MCF2: variants seen among roughly 807,000 people sequenced by gnomAD.
The protein encoded by MCF2 is MCF.2 cell line derived transforming sequence.
Under a neutral mutation model 82.5 loss-of-function variants are expected in MCF2, and 44 were observed. The observed-to-expected ratio is 0.53, with a 90% CI of 0.42 to 0.69. The LOEUF is 0.69. MCF2 is among the 30% of genes least tolerant of loss of function. The probability of loss-of-function intolerance (pLI) is 0.00; values close to 1 mark genes in which losing one functional copy is unlikely to be tolerated. For synonymous variants in MCF2, 217 were observed against 224.9 expected (o/e 0.96, Z 0.32); for missense variants, 623 against 663.1 (o/e 0.94, Z 0.66).
intron 1 of MCF2, among the ~76,000 whole-genome samples, chrX:139,669,644 C>A (rs1451778489): frequency 4.5e-5 from 5 of 111,771 alleles, no homozygotes; most frequent in African/African-American, 1.6e-4. Context: ...GGAAATAACT[C>A]AAATATCCAT....
Position 139,616,320 on chromosome X carries a change from G to A in MCF2, c.1153C>T (p.Gln385Ter). 8.7e-7 allele frequency: 1 copy of A among 1,153,925 alleles called. No individual in the cohort carries two copies. The highest frequency in any genetic ancestry group is 1.2e-6 in the Non-Finnish European group (1 of 860,583). ...GATAATATTACATCAAATTCATACT[G>A]CAGTGTTTCAGGTTCATAATTTATA... The change falls in exon 9 of 25, where the codon CAG becomes TAG. Residue 385 changes from glutamine (Q) to a stop codon, truncating the protein, a stop_gained. Coordinates refer to ENST00000370576, the Ensembl canonical transcript of MCF2. LOFTEE classifies it high-confidence loss of function.
intron 1 of MCF2, among the ~76,000 whole-genome samples, chrX:139,692,937 C>T (rs1169045507): frequency 1.8e-5 from 2 of 112,538 alleles, no homozygotes; most frequent in African/African-American, 3.2e-5. Context: ...CCTGTATAGA[C>T]ACTTGAGCTG....
At chrX:139,682,330 C>T (rs1935019305) in intron 1 of MCF2, among the ~76,000 whole-genome samples, 1 of 111,917 alleles carries the variant, frequency 8.9e-6, no homozygotes, top group African/African-American at 3.3e-5. Flanking sequence ...GTAGAGATGG[C>T]AGGTTTTCCC....
At chrX:139,616,513 T>A in intron 8 of MCF2, 40 bp from the exon 12 acceptor site, 1 of 826,700 alleles carries the variant, frequency 1.2e-6, no homozygotes, top group Non-Finnish European at 1.7e-6. Context: ...AAATATGAAT[T>A]AATAAAGAGA....
intron 10 of MCF2, 69 bp from the exon 15 acceptor site, chrX:139,610,407 A>G (rs950751535): frequency 5.4e-5 from 32 of 597,742 alleles, no homozygotes; most frequent in African/African-American, 3.3e-4. Flanking sequence ...AGAAATACAT[A>G]TATATTTATT....
intron 1 of MCF2, among the ~76,000 whole-genome samples, chrX:139,691,351 A>T: frequency 9.0e-6 from 1 of 111,164 alleles, no homozygotes; most frequent in Non-Finnish European, 1.9e-5. Flanking sequence ...CACATGCGTT[A>T]TGGGAAAAAC....
rs188236597 is a variant in MCF2, at chrX:139,705,841, C to T, written c.-45+2265G>A. Among the ~76,000 whole-genome samples the T allele has an allele frequency of 4.5e-5, 5 of 112,154 alleles. No individual in the cohort carries two copies. The East Asian group carries it at 1.4e-3, about 31-fold the overall frequency. On this transcript the variant is annotated intron_variant, in intron 1 of 27. Coordinates refer to the MCF2 transcript ENST00000414978. ...CTGACAAAGGTCTAATACTCAGAAT[C>T]TATAGGGAACTTGAAAAAATTAACA... is the stretch of plus-strand genomic sequence containing the variant.
intron 1 of MCF2, among the ~76,000 whole-genome samples, chrX:139,653,590 G>A (rs781456528): frequency 5.4e-5 from 6 of 111,133 alleles, no homozygotes; most frequent in Non-Finnish European, 1.1e-4. Flanking sequence ...TGTGGGCTGG[G>A]AGTGGGAGCA....
rs756498859 is a variant in MCF2 at position 139,605,705 on chromosome X, T to A, written c.1557+8A>T. On this transcript the variant is annotated splice_region_variant and intron_variant, in intron 13 of 24. Coordinates refer to ENST00000370576, the Ensembl canonical transcript of MCF2. ...AAAGATAGGGCAAATACAATTTGAG[T>A]CGCTTACCAACAAAACAGTATACAG... The A allele has an allele frequency of 5.9e-6, 7 of 1,191,351 alleles. No individual in the cohort carries two copies. The highest frequency in any genetic ancestry group is 7.9e-6 in the Non-Finnish European group (7 of 883,253).
intron 1 of MCF2, among the ~76,000 whole-genome samples, chrX:139,640,322 G>C (rs1411683228): frequency 9.0e-6 from 1 of 111,020 alleles, no homozygotes; most frequent in African/African-American, 3.3e-5. Flanking sequence ...GAATATGTTG[G>C]GAAAAAAATC....
intron 1 of MCF2, among the ~76,000 whole-genome samples, chrX:139,670,487 G>A (rs903452431): frequency 1.4e-4 from 15 of 108,880 alleles, no homozygotes; most frequent in South Asian, 4.2e-4. Flanking sequence ...CACAGGCCCC[G>A]GGGTGTGATG....
chrX:139,706,860 A>G (rs1436872658), intron 1 of MCF2, among the ~76,000 whole-genome samples: 1 of 110,430 alleles, frequency 9.1e-6, no homozygotes, highest in East Asian at 2.8e-4. Context: ...AAACAAAAAT[A>G]AAGGTTGTCT....
chrX:139,684,426 C>T (rs191702262), intron 1 of MCF2, among the ~76,000 whole-genome samples: 1,146 of 111,798 alleles, frequency 0.01, 49 homozygotes, highest in Admixed American at 0.1. Context: ...GGGATTTCCT[C>T]AAGGATGAAA....
In MCF2 at chrX:139,707,246, T is replaced by C. The variant is rs1320866979; in HGVS notation, c.-45+860A>G. 2.7e-5 allele frequency among the ~76,000 whole-genome samples: 3 copies of C among 110,603 alleles called. No individual in the cohort carries two copies. The East Asian group carries it at 8.6e-4, about 32-fold the overall frequency. On this transcript the variant is annotated intron_variant, in intron 1 of 27. Transcript: ENST00000414978. ...ATCAGAGAAAAAAAGGGTTGGAGTTTCCAATCCTTTCATTCTGAGAAGACC... is the reference window on the plus strand; with the variant it reads ...ATCAGAGAAAAAAAGGGTTGGAGTTCCCAATCCTTTCATTCTGAGAAGACC...
At chrX:139,585,424 A>G (rs955948373) in intron 23 of MCF2, among the ~76,000 whole-genome samples, 1 of 111,812 alleles carries the variant, frequency 8.9e-6, no homozygotes, top group Middle Eastern at 4.2e-3. Context: ...CATTAGTACT[A>G]TGCTCTCTCC....
chrX:139,616,150 A>C, intron 9 of MCF2, 132 bp downstream of exon 12: 1 of 324,189 alleles, frequency 3.1e-6, no homozygotes, highest in East Asian at 4.6e-5. Flanking sequence ...TGGCACTACT[A>C]TCACCCCTAA....
At position 139,607,687 on chromosome X, in the gene MCF2, A is replaced by T; in HGVS notation, c.1490+4T>A. 1 of 1,164,671 alleles carries T rather than the reference A, an allele frequency of 8.6e-7. No homozygotes were observed. Among genetic ancestry groups the T allele is most frequent in the Non-Finnish European group, 1.2e-6 (1 of 855,526 alleles). ...GTGAGTTTATATTAATAAATAAAGG[A>T]TACTTCTTTAAAACATCCAAGCTAT... On this transcript the variant is annotated splice_donor_region_variant and intron_variant, in intron 12 of 24. Coordinates refer to ENST00000370576, the Ensembl canonical transcript of MCF2.
intron 1 of MCF2, among the ~76,000 whole-genome samples, chrX:139,697,875 C>G (rs1935413803): frequency 8.9e-6 from 1 of 112,402 alleles, no homozygotes; most frequent in Admixed American, 9.4e-5. Context: ...CGCGGTGGCT[C>G]ACGCCTGTAA....
In MCF2 at chrX:139,629,613, G is replaced by A. The variant is rs1419596581; in HGVS notation, c.438+82C>T. On this transcript the variant is annotated intron_variant, in intron 4 of 24. Transcript: ENST00000370576. Reference sequence around the variant, plus strand: ...GTCTTTTATCTCCCCTTATGCAACAGTCAGTGTAAAATGGAGATAATAAAC... The same window carrying A: ...GTCTTTTATCTCCCCTTATGCAACAATCAGTGTAAAATGGAGATAATAAAC... 1.8e-5 allele frequency: 16 copies of A among 876,460 alleles called. No individual in the cohort carries two copies. The Middle Eastern group carries it at 1.2e-3, about 68-fold the overall frequency. 72.2% of individuals were successfully genotyped at this position (876,460 alleles called of 1,213,427 possible). A position where few individuals can be genotyped will look rare whatever the true frequency, so the allele number is the denominator to read the frequency against.
Sources: gnomAD v4.1 joint callset for allele counts (sites outside exome capture counted in the v4.1 genomes callset) on GRCh38, gnomAD v4.1.1 for gene constraint, MANE v1.5 for transcripts, NCBI Gene and HGNC (gene_info 2026-07-23, HGNC 2026-07-21) for gene names.